The following TNR variants were observed in gnomAD, a reference collection of about 807,000 sequenced individuals.
TNR encodes tenascin R.
TNR carries 45 observed loss-of-function variants against 150.4 expected under a neutral mutation model. That is an observed-to-expected ratio of 0.30 (90% CI 0.24 to 0.38). The LOEUF is 0.38. Ranked by LOEUF, TNR falls within the 10% of genes least tolerant of loss-of-function variation. The pLI is 1.00. For synonymous variants in TNR, 687 were observed against 678.4 expected (o/e 1.01, Z -0.20); for missense variants, 1,544 against 1,759.1 (o/e 0.88, Z 2.19).
rs1005404854 is a variant in TNR, at chr1:175,406,870, C to T, written c.-63-93G>A. ...GCCTACAAAGCTCAGGAGTAGGCAG[C>T]CAGAGATTTTCAAGGGGGGGGCGTC... is the stretch of plus-strand genomic sequence containing the variant. On this transcript the variant is annotated intron_variant, in intron 2 of 22. Coordinates refer to ENST00000367674, the MANE Select transcript of TNR (RefSeq NM_003285.3). 19 of 919,354 alleles carry T rather than the reference C, an allele frequency of 2.1e-5. No homozygotes were observed. In the African/African-American group the frequency reaches 4.0e-4, roughly 19 times the overall value. The allele number at this position is 919,354 out of a possible 1,614,324, so 56.9% of individuals were successfully genotyped here. A position where few individuals can be genotyped will look rare whatever the true frequency, so the allele number is the denominator to read the frequency against.
At chr1:175,702,847 T>C in intron 1 of TNR, among the ~76,000 whole-genome samples, 1 of 152,338 alleles carries the variant, frequency 6.6e-6, no homozygotes, top group South Asian at 2.1e-4. Context: ...AGGGTAAAAA[T>C]GTGCTTGAAA....
intron 1 of TNR, among the ~76,000 whole-genome samples, chr1:175,660,006 G>A (rs1405235021): frequency 6.8e-6 from 1 of 146,014 alleles, no homozygotes; most frequent in Non-Finnish European, 1.5e-5. Context: ...CTAGAAAATT[G>A]ACCCCTGACT....
At chr1:175,742,445 CA>C (rs1435460357) in intron 1 of TNR, among the ~76,000 whole-genome samples, 1 of 152,134 alleles carries the variant, frequency 6.6e-6, no homozygotes, top group Non-Finnish European at 1.5e-5. Flanking sequence ...CACCCATAGC[CA>C]AAGATGGCAT....
At chr1:175,499,381 C>A (rs1405490533) in intron 2 of TNR, among the ~76,000 whole-genome samples, 1 of 152,216 alleles carries the variant, frequency 6.6e-6, no homozygotes, top group Non-Finnish European at 1.5e-5. Context: ...TAAAGTTGGG[C>A]TCTCCCTGCA....
rs530803508 is a variant in TNR, at chr1:175,630,467, G to A, written c.-164-102098C>T. On this transcript the variant is annotated intron_variant, in intron 1 of 22. Transcript: ENST00000367674. Reference sequence around the variant, plus strand: ...TTGATTAAGCAGCCGCCATGTAGCAGGCATGGGGTTAGGCGCTGTACATAC... The same window carrying A: ...TTGATTAAGCAGCCGCCATGTAGCAAGCATGGGGTTAGGCGCTGTACATAC... 2.0e-5 allele frequency among the ~76,000 whole-genome samples: 3 copies of A among 152,330 alleles called. No individual in the cohort carries two copies. In the South Asian group the frequency reaches 6.2e-4, roughly 32 times the overall value.
chr1:175,444,153 A>G (rs1005619680), intron 2 of TNR, among the ~76,000 whole-genome samples: 5 of 152,220 alleles, frequency 3.3e-5, no homozygotes, highest in African/African-American at 1.2e-4. Context: ...AGATAGGAAA[A>G]TTAAAACCAG....
At chr1:175,733,662 T>C (rs2101955900) in intron 1 of TNR, among the ~76,000 whole-genome samples, 1 of 152,340 alleles carries the variant, frequency 6.6e-6, no homozygotes, top group South Asian at 2.1e-4. Context: ...AGAGATTGAC[T>C]GATAGTGGTC....
chr1:175,589,622 A>G (rs1237168497), intron 1 of TNR, among the ~76,000 whole-genome samples: 1 of 152,228 alleles, frequency 6.6e-6, no homozygotes, highest in Non-Finnish European at 1.5e-5. Context: ...CAGAGGCTGG[A>G]TAAAGAAAAT....
chr1:175,742,802 C>A (rs1017670439), intron 1 of TNR, among the ~76,000 whole-genome samples: 1 of 152,174 alleles, frequency 6.6e-6, no homozygotes, highest in East Asian at 1.9e-4. Flanking sequence ...CTTTGCAACT[C>A]TTTCCCACCA....
At chr1:175,542,525 G>C (rs1228717304) in intron 1 of TNR, among the ~76,000 whole-genome samples, 1 of 152,158 alleles carries the variant, frequency 6.6e-6, no homozygotes, top group Non-Finnish European at 1.5e-5. Context: ...TTATCCTATT[G>C]CTTGTTCTTT....
intron 2 of TNR, among the ~76,000 whole-genome samples, chr1:175,500,466 A>C (rs1571527694): frequency 6.6e-6 from 1 of 152,292 alleles, no homozygotes; most frequent in African/African-American, 2.4e-5. Flanking sequence ...AGGTGAATAG[A>C]AGCTGTGTGT....
chr1:175,624,293 A>G (rs1324091319), intron 1 of TNR, among the ~76,000 whole-genome samples: 1 of 152,002 alleles, frequency 6.6e-6, no homozygotes, highest in African/African-American at 2.4e-5. Context: ...TGCTGGGTTG[A>G]TCATGTCCCT....
intron 14 of TNR, 75 bp from the exon 15 acceptor site, chr1:175,359,806 T>C (rs1276482912): frequency 6.5e-7 from 1 of 1,528,214 alleles, no homozygotes; most frequent in African/African-American, 1.4e-5. Context: ...TCTCAGAAGT[T>C]CCACTCATGG....
At chr1:175,331,522 C>G (rs1354439075) in intron 20 of TNR, among the ~76,000 whole-genome samples, 1 of 152,154 alleles carries the variant, frequency 6.6e-6, no homozygotes, top group Non-Finnish European at 1.5e-5. Context: ...CTCAGCCTCT[C>G]AAAGTGCTGG....
chr1:175,590,605 G>A (rs1020200386), intron 1 of TNR, among the ~76,000 whole-genome samples: 2 of 152,214 alleles, frequency 1.3e-5, no homozygotes, highest in African/African-American at 4.8e-5. Context: ...CTATGTGCAA[G>A]GACAGTGTTG....
At chr1:175,483,732 C>T (rs1214169650) in intron 2 of TNR, among the ~76,000 whole-genome samples, 15 of 152,164 alleles carry the variant, frequency 9.9e-5, no homozygotes, top group African/African-American at 3.4e-4. Flanking sequence ...AAACCAAACC[C>T]CAAGGGAGCC....
chr1:175,707,020 T>C, intron 1 of TNR, among the ~76,000 whole-genome samples: 1 of 152,332 alleles, frequency 6.6e-6, no homozygotes, highest in South Asian at 2.1e-4. Context: ...GCATCTGGCC[T>C]GTCATCCAGG....
rs1046174149 is a variant in TNR, at chr1:175,384,576, G to A, written c.1777+1456C>T. Among the ~76,000 whole-genome samples the A allele has an allele frequency of 2.0e-5, 3 of 152,222 alleles. No individual in the cohort carries two copies. The East Asian group carries it at 5.8e-4, about 29-fold the overall frequency. ...GGGGAAGCTTTTCCCTGCCCTTGAT[G>A]TTTCCTTCCTAAGGCTCTTGTCTCT... On this transcript the variant is annotated intron_variant, in intron 8 of 22. Transcript: ENST00000367674.
chr1:175,715,914 G>C (rs1445120338), intron 1 of TNR, among the ~76,000 whole-genome samples: 1 of 152,186 alleles, frequency 6.6e-6, no homozygotes, highest in Non-Finnish European at 1.5e-5. Flanking sequence ...GGATGCAACT[G>C]CCCTACTTCC....
Sources: gnomAD v4.1 joint callset for allele counts (sites outside exome capture counted in the v4.1 genomes callset) on GRCh38, gnomAD v4.1.1 for gene constraint, MANE v1.5 for transcripts, NCBI Gene and HGNC (gene_info 2026-07-23, HGNC 2026-07-21) for gene names.